GPC6: variants seen among roughly 807,000 people sequenced by gnomAD.
GPC6 encodes glypican-6.
In GPC6, 14 loss-of-function variants were observed where a neutral mutation model predicts 55.2. That is an observed-to-expected ratio of 0.25 (90% CI 0.17 to 0.40). GPC6 has a LOEUF of 0.40. Ranked by LOEUF, GPC6 falls within the 10% of genes least tolerant of loss-of-function variation. The pLI, the probability that GPC6 is intolerant of heterozygous loss-of-function variation, is 1.00. For missense variants in GPC6, 641 were observed against 708.5 expected, an observed-to-expected ratio of 0.90 and a Z score of 1.08; for synonymous variants, 278 against 259.6, an observed-to-expected ratio of 1.07 and a Z score of -0.68.
chr13:94,001,881 C>A (rs1190091683), intron 3 of GPC6, among the ~76,000 whole-genome samples: 3 of 152,100 alleles, frequency 2.0e-5, no homozygotes, highest in Non-Finnish European at 2.9e-5. Flanking sequence ...AACAACTTCA[C>A]TGAACCAAAA....
At position 94,382,567 on chromosome 13, in the gene GPC6, G is replaced by A. The variant is rs1401114828; in HGVS notation, c.1289+17G>A. ...CAAAGCCAGGTGAGGGTGACTCGAT[G>A]TGTGCATGGATGGGGGCACAGCACA... is the stretch of plus-strand genomic sequence containing the variant. On this transcript the variant is annotated intron_variant, in intron 7 of 8. Coordinates refer to ENST00000377047, the MANE Select transcript of GPC6 (RefSeq NM_005708.5). 2 of 1,613,790 alleles carry A rather than the reference G, an allele frequency of 1.2e-6. No individual in the cohort carries two copies. The highest frequency in any genetic ancestry group is 1.7e-6 in the Non-Finnish European group (2 of 1,180,014).
intron 3 of GPC6, among the ~76,000 whole-genome samples, chr13:93,957,818 G>C (rs1319745714): frequency 6.6e-6 from 1 of 152,158 alleles, no homozygotes; most frequent in Non-Finnish European, 1.5e-5. Flanking sequence ...CACAGGGGTT[G>C]AACTAATTTA....
intron 4 of GPC6, among the ~76,000 whole-genome samples, chr13:94,137,803 A>G (rs1023269816): frequency 8.5e-5 from 13 of 152,314 alleles, no homozygotes; most frequent in African/African-American, 3.1e-4. Context: ...AACCTAAAAC[A>G]GTAGTGCTAG....
At chr13:93,454,198 C>A in intron 1 of GPC6, among the ~76,000 whole-genome samples, 1 of 148,266 alleles carries the variant, frequency 6.7e-6, no homozygotes, top group African/African-American at 2.5e-5. Context: ...GAGCTAGATA[C>A]AGAGTGCCAA....
intron 4 of GPC6, among the ~76,000 whole-genome samples, chr13:94,132,083 C>T (rs1887022455): frequency 1.3e-5 from 2 of 152,086 alleles, no homozygotes; most frequent in African/African-American, 4.8e-5. Flanking sequence ...CTGGAGAACA[C>T]TGGTGGAGAA....
chr13:94,271,124 G>C (rs1430992419), intron 4 of GPC6, among the ~76,000 whole-genome samples: 1 of 151,098 alleles, frequency 6.6e-6, no homozygotes, highest in African/African-American at 2.4e-5. Context: ...CCGAGTAGCT[G>C]GGACTACAGG....
intron 3 of GPC6, among the ~76,000 whole-genome samples, chr13:93,930,920 A>G (rs972417799): frequency 6.6e-6 from 1 of 152,134 alleles, no homozygotes; most frequent in Non-Finnish European, 1.5e-5. Flanking sequence ...GGAAACTTAC[A>G]ATCATGGTGG....
chr13:94,241,746 C>T (rs1328236893), intron 4 of GPC6, among the ~76,000 whole-genome samples: 2 of 152,020 alleles, frequency 1.3e-5, no homozygotes, highest in African/African-American at 4.8e-5. Flanking sequence ...GAAGAAAACC[C>T]TTTTAGATCC....
chr13:93,325,076 A>T (rs148130147), intron 1 of GPC6, among the ~76,000 whole-genome samples: 2,484 of 149,496 alleles, frequency 0.017, 56 homozygotes, highest in African/African-American at 0.054. Flanking sequence ...TGGAAAACTT[A>T]GGAATATCTC....
At chr13:94,178,984 G>A (rs1339036721) in intron 4 of GPC6, among the ~76,000 whole-genome samples, 3 of 152,138 alleles carry the variant, frequency 2.0e-5, no homozygotes, top group Admixed American at 6.6e-5. Flanking sequence ...TTGCTACTGA[G>A]TTCCCCCTTT....
chr13:94,359,536 T>C (rs9589968), intron 6 of GPC6, among the ~76,000 whole-genome samples: 7,607 of 152,258 alleles, frequency 0.05, 623 homozygotes, highest in African/African-American at 0.17. Context: ...ATACTATGAC[T>C]TTCCAGTGCA....
chr13:93,645,694 A>G (rs932298095), intron 2 of GPC6, among the ~76,000 whole-genome samples: 1 of 152,166 alleles, frequency 6.6e-6, no homozygotes, highest in African/African-American at 2.4e-5. Flanking sequence ...TATGTTTACA[A>G]TGTAGAAAAC....
At chr13:93,804,812 T>A (rs559069700) in intron 2 of GPC6, among the ~76,000 whole-genome samples, 1 of 152,274 alleles carries the variant, frequency 6.6e-6, no homozygotes, top group Non-Finnish European at 1.5e-5. Flanking sequence ...CAGTTTGGGC[T>A]TCTCCATGTA....
chr13:93,488,262 T>C (rs1594205764), intron 1 of GPC6, among the ~76,000 whole-genome samples: 1 of 152,182 alleles, frequency 6.6e-6, no homozygotes, highest in Admixed American at 6.5e-5. Flanking sequence ...TAATGATGGT[T>C]TCCAGCTTCA....
intron 1 of GPC6, among the ~76,000 whole-genome samples, chr13:93,368,029 A>G (rs1310794820): frequency 6.6e-6 from 1 of 152,058 alleles, no homozygotes; most frequent in Non-Finnish European, 1.5e-5. Flanking sequence ...GATGGTTGTT[A>G]AAATCTCAAA....
At chr13:93,687,943 T>C (rs956791211) in intron 2 of GPC6, among the ~76,000 whole-genome samples, 3 of 151,712 alleles carry the variant, frequency 2.0e-5, no homozygotes, top group Admixed American at 6.6e-5. Context: ...ACAAAAGAAG[T>C]CCAGAGGCAG....
At chr13:93,813,881 G>T (rs1886771463) in intron 2 of GPC6, among the ~76,000 whole-genome samples, 1 of 151,600 alleles carries the variant, frequency 6.6e-6, no homozygotes, top group Non-Finnish European at 1.5e-5. Flanking sequence ...TAAATATAAA[G>T]ATCATATATG....
intron 2 of GPC6, among the ~76,000 whole-genome samples, chr13:93,565,409 A>T (rs1876048607): frequency 6.6e-6 from 1 of 152,206 alleles, no homozygotes. Flanking sequence ...TGTTTCTTGG[A>T]TAAAGGAATA....
intron 4 of GPC6, among the ~76,000 whole-genome samples, chr13:94,051,517 A>C (rs1053923504): frequency 4.6e-5 from 7 of 152,200 alleles, no homozygotes; most frequent in Non-Finnish European, 1.0e-4. Flanking sequence ...CCCAAGATGC[A>C]GAGCACTTTA....
Sources: gnomAD v4.1 joint callset for allele counts (sites outside exome capture counted in the v4.1 genomes callset) on GRCh38, gnomAD v4.1.1 for gene constraint, MANE v1.5 for transcripts, NCBI Gene and HGNC (gene_info 2026-07-23, HGNC 2026-07-21) for gene names.